SMG6: variants seen among roughly 807,000 people sequenced by gnomAD.
SMG6 encodes SMG6 nonsense mediated mRNA decay factor.
In SMG6, 66 loss-of-function variants were observed where a neutral mutation model predicts 142.2. The ratio of observed to expected loss-of-function variants is 0.46; its 90% CI spans 0.38 to 0.57. SMG6 has a LOEUF of 0.57. SMG6 is among the 20% of genes least tolerant of loss of function. The probability of loss-of-function intolerance (pLI) is 0.00; values close to 1 mark genes in which losing one functional copy is unlikely to be tolerated. For synonymous variants in SMG6, 779 were observed against 702.4 expected, an observed-to-expected ratio of 1.11 and a Z score of -1.72; for missense variants, 1,793 against 1,832.0, an observed-to-expected ratio of 0.98 and a Z score of 0.39.
At chr17:2,123,516 G>A (rs1288751831) in intron 13 of SMG6, among the ~76,000 whole-genome samples, 1 of 152,180 alleles carries the variant, frequency 6.6e-6, no homozygotes, top group Non-Finnish European at 1.5e-5. Context: ...ATCCCTAACT[G>A]ATGAATTAAA....
intron 9 of SMG6, among the ~76,000 whole-genome samples, chr17:2,243,036 G>A: frequency 6.6e-6 from 1 of 152,194 alleles, no homozygotes; most frequent in East Asian, 1.9e-4. Flanking sequence ...TTAAACTGGT[G>A]GCAGTGGCAG....
At chr17:2,292,759 T>C in intron 5 of SMG6, 112 bp downstream of exon 5, 1 of 1,408,746 alleles carries the variant, frequency 7.1e-7, no homozygotes, top group Non-Finnish European at 1.0e-6. Context: ...AAGGCATGAC[T>C]ACAGGGACCA....
At position 2,065,573 on chromosome 17, in the gene SMG6, G is replaced by A. The variant is rs774246452; in HGVS notation, c.3942C>T (p.Leu1314=). ...QEKARKSIEF[L]EQRFESRDSC... ...AGTCCCGACTCTCGAATCGCTGCTC[G>A]AGGAACTCGATGGACTTGCGGGCCT... Residue 1314 remains leucine (L), a synonymous_variant, in exon 17 of 19, where the codon CTC becomes CTT. Transcript: ENST00000263073. 37 of 1,613,944 alleles carry A rather than the reference G, an allele frequency of 2.3e-5. No individual in the cohort carries two copies. Among genetic ancestry groups the A allele is most frequent in the East Asian group, 6.7e-5 (3 of 44,896 alleles).
chr17:2,128,177 G>T (rs559733664), intron 13 of SMG6, among the ~76,000 whole-genome samples: 1 of 152,212 alleles, frequency 6.6e-6, no homozygotes, highest in African/African-American at 2.4e-5. Context: ...TCCACGCGCC[G>T]CTTTGTCCAG....
intron 13 of SMG6, among the ~76,000 whole-genome samples, chr17:2,115,237 G>A (rs1268608817): frequency 2.6e-5 from 4 of 151,898 alleles, no homozygotes; most frequent in Non-Finnish European, 5.9e-5. Context: ...TAAATCAAAT[G>A]TTCCTCTTTT....
At chr17:2,254,421 G>A (rs777912216) in intron 8 of SMG6, among the ~76,000 whole-genome samples, 43 of 152,248 alleles carry the variant, frequency 2.8e-4, no homozygotes, top group South Asian at 4.1e-4. Context: ...TGCAACCTCC[G>A]CCTCTGGGGT....
At chr17:2,120,563 T>C (rs1164617265) in intron 13 of SMG6, among the ~76,000 whole-genome samples, 1 of 152,014 alleles carries the variant, frequency 6.6e-6, no homozygotes, top group Non-Finnish European at 1.5e-5. Context: ...CTACAAAAAA[T>C]TGTAATAAAA....
intron 13 of SMG6, 131 bp downstream of exon 13, chr17:2,172,527 A>G (rs991402989): frequency 4.2e-6 from 4 of 949,300 alleles, no homozygotes; most frequent in Middle Eastern, 3.4e-4. Context: ...TAAAAGGTCG[A>G]TATTTTCCCT....
intron 13 of SMG6, among the ~76,000 whole-genome samples, chr17:2,125,749 T>C (rs1403011015): frequency 2.0e-5 from 3 of 152,108 alleles, no homozygotes; most frequent in African/African-American, 7.2e-5. Flanking sequence ...GGTCAGGAGT[T>C]GGAGACCAGC....
rs1190009710 is a variant in SMG6, at chr17:2,300,119, C to T, written c.634G>A (p.Ala212Thr). The change falls in exon 2 of 19, where the codon GCA (alanine) becomes ACA (threonine). Residue 212 changes from alanine (A) to threonine (T), a missense_variant. Coordinates refer to ENST00000263073, the MANE Select transcript of SMG6 (RefSeq NM_017575.5). ...KSPGGGRVGAAKGEKGKRMGK... is the reference protein window; with the variant it reads ...KSPGGGRVGATKGEKGKRMGK... ...ATCCTCTTTCCTTTTTCTCCTTTTG[C>T]AGCCCCTACTCTCCCACCACCTGGG... 3.7e-6 allele frequency: 6 copies of T among 1,614,162 alleles called. No homozygotes were observed. The highest frequency in any genetic ancestry group is 4.2e-6 in the Non-Finnish European group (5 of 1,180,038).
At chr17:2,268,495 G>A (rs1342136465) in intron 8 of SMG6, among the ~76,000 whole-genome samples, 2 of 152,120 alleles carry the variant, frequency 1.3e-5, no homozygotes, top group Non-Finnish European at 2.9e-5. Context: ...ATATTGGGTG[G>A]GGAGCAGTGA....
chr17:2,145,266 A>G (rs1597465066), intron 13 of SMG6, among the ~76,000 whole-genome samples: 2 of 148,808 alleles, frequency 1.3e-5, no homozygotes, highest in African/African-American at 4.9e-5. Context: ...GGCGTGTGCC[A>G]CCACACCCAG....
chr17:2,113,328 G>A (rs754426474), intron 13 of SMG6, among the ~76,000 whole-genome samples: 6 of 151,924 alleles, frequency 3.9e-5, no homozygotes, highest in Admixed American at 6.6e-5. Context: ...CACCCGCCTC[G>A]GCCTCACAGC....
intron 16 of SMG6, among the ~76,000 whole-genome samples, chr17:2,067,381 T>A (rs2067981985): frequency 2.0e-5 from 3 of 152,068 alleles, no homozygotes; most frequent in Non-Finnish European, 2.9e-5. Context: ...ACCTTACGGC[T>A]CTTAGGGGGC....
At chr17:2,240,556 A>G (rs554634855) in intron 9 of SMG6, among the ~76,000 whole-genome samples, 2 of 152,112 alleles carry the variant, frequency 1.3e-5, no homozygotes, top group Non-Finnish European at 2.9e-5. Flanking sequence ...TCTTTAAACC[A>G]CTGATCAGGT....
chr17:2,236,805 T>C, intron 9 of SMG6, 168 bp from the exon 10 acceptor site: 1 of 1,312,126 alleles, frequency 7.6e-7, no homozygotes, highest in Non-Finnish European at 9.7e-7. Flanking sequence ...ACCTTCCCGG[T>C]ATCCTGCAAT....
chr17:2,190,467 G>A (rs1466929069), intron 10 of SMG6, among the ~76,000 whole-genome samples: 1 of 152,164 alleles, frequency 6.6e-6, no homozygotes, highest in Non-Finnish European at 1.5e-5. Context: ...ATAAGACAGG[G>A]GAGGTTTCTT....
intron 13 of SMG6, among the ~76,000 whole-genome samples, chr17:2,163,990 A>C (rs983840535): frequency 7.9e-5 from 12 of 151,526 alleles, no homozygotes; most frequent in Non-Finnish European, 1.3e-4. Context: ...TGAACCAAGA[A>C]GACGGAGGTT....
At chr17:2,099,718 G>A (rs1488839587) in intron 13 of SMG6, among the ~76,000 whole-genome samples, 1 of 152,152 alleles carries the variant, frequency 6.6e-6, no homozygotes, top group Admixed American at 6.6e-5. Flanking sequence ...TCGGGATAAC[G>A]TGTAAGTCAG....
Sources: allele counts gnomAD v4.1 joint callset (sites outside exome capture counted in the v4.1 genomes callset), GRCh38; gene constraint gnomAD v4.1.1; transcripts MANE v1.5; gene names NCBI Gene and HGNC (gene_info 2026-07-23, HGNC 2026-07-21).